The following USP8 variants were observed in gnomAD, a reference collection of about 807,000 sequenced individuals.
The protein encoded by USP8 is ubiquitin carboxyl-terminal hydrolase 8.
In USP8, 27 loss-of-function variants were observed where a neutral mutation model predicts 130.0. The ratio of observed to expected loss-of-function variants is 0.21; its 90% CI spans 0.15 to 0.29. The LOEUF (loss-of-function observed/expected upper bound fraction) is 0.29, where lower values mean the gene tolerates loss of function less well. USP8 is among the 10% of genes least tolerant of loss of function. The probability of loss-of-function intolerance (pLI) is 1.00; values close to 1 mark genes in which losing one functional copy is unlikely to be tolerated. For missense variants in USP8, 1,029 were observed against 1,312.2 expected (o/e 0.78, Z 3.33); for synonymous variants, 392 against 444.1 (o/e 0.88, Z 1.48).
intron 5 of USP8, among the ~76,000 whole-genome samples, chr15:50,460,267 G>A (rs2050944286): frequency 6.7e-6 from 1 of 149,368 alleles, no homozygotes; most frequent in Admixed American, 6.7e-5. Flanking sequence ...CAAAGTGCTG[G>A]GATTACAGGC....
At chr15:50,433,893 C>G (rs2050011661) in intron 1 of USP8, among the ~76,000 whole-genome samples, 1 of 152,246 alleles carries the variant, frequency 6.6e-6, no homozygotes, top group Non-Finnish European at 1.5e-5. Flanking sequence ...GCGTGAGCCA[C>G]TGTGCACGGC....
At chr15:50,440,481 T>C (rs1388378767) in intron 2 of USP8, among the ~76,000 whole-genome samples, 2 of 152,230 alleles carry the variant, frequency 1.3e-5, no homozygotes, top group African/African-American at 2.4e-5. Context: ...AGTTTTTCAA[T>C]GGACCAGGGT....
chr15:50,433,519 T>C (rs2049993327), intron 1 of USP8, among the ~76,000 whole-genome samples: 1 of 152,210 alleles, frequency 6.6e-6, no homozygotes, highest in Non-Finnish European at 1.5e-5. Flanking sequence ...TTTTACCTTT[T>C]AGTCTTCACT....
At chr15:50,434,104 TTTTTGTTTTGTTTTG>T (rs139482198) in intron 1 of USP8, among the ~76,000 whole-genome samples, 5 of 148,830 alleles carry the variant, frequency 3.4e-5, no homozygotes, top group African/African-American at 7.5e-5. Context: ...AGCATAAGGT[TTTTTGTTTTGTTTTG>T]TTTTGTTTTG....
intron 3 of USP8, among the ~76,000 whole-genome samples, chr15:50,444,090 G>A (rs1595910825): frequency 6.9e-6 from 1 of 144,298 alleles, no homozygotes; most frequent in Non-Finnish European, 1.5e-5. Flanking sequence ...TTTTGTTTGT[G>A]TGGTAGGTTT....
intron 7 of USP8, among the ~76,000 whole-genome samples, chr15:50,466,449 G>A (rs1595943753): frequency 1.3e-5 from 2 of 152,134 alleles, no homozygotes; most frequent in South Asian, 2.1e-4. Context: ...AAATACTTCA[G>A]CCAGGTGAGG....
rs79351476 is a variant in USP8 at position 50,447,180 on chromosome 15, A to G, written c.250-2220A>G. 2.5e-3 allele frequency among the ~76,000 whole-genome samples: 380 copies of G among 152,318 alleles called. 11 individuals are homozygous for G. The East Asian group carries it at 0.064, about 26-fold the overall frequency. ...TCTTTAGAAAAATTTAATTCTTCATATGCTCCAGGTTGTATTGTGCTACTG... is the reference window on the plus strand; with the variant it reads ...TCTTTAGAAAAATTTAATTCTTCATGTGCTCCAGGTTGTATTGTGCTACTG... On this transcript the variant is annotated intron_variant, in intron 3 of 19. Coordinates refer to ENST00000307179, the MANE Select transcript of USP8 (RefSeq NM_005154.5).
intron 5 of USP8, among the ~76,000 whole-genome samples, chr15:50,461,271 C>T (rs1031989048): frequency 1.6e-4 from 25 of 151,922 alleles, no homozygotes; most frequent in African/African-American, 4.8e-4. Flanking sequence ...GGATTACAGG[C>T]GTCAGCCACC....
At position 50,441,330 on chromosome 15, in the gene USP8, T is replaced by C; in HGVS notation, c.105-19T>C. 1 of 1,569,264 alleles carries C rather than the reference T, an allele frequency of 6.4e-7. No individual in the cohort carries two copies. The highest frequency in any genetic ancestry group is 8.6e-7 in the Non-Finnish European group (1 of 1,167,802). ...CAGATGTCAATTGCTTTAATTATTA[T>C]TTTTTCTCTAATTTTAAGTTATGTG... On this transcript the variant is annotated intron_variant, in intron 2 of 19. Coordinates refer to ENST00000307179, the MANE Select transcript of USP8 (RefSeq NM_005154.5).
intron 3 of USP8, among the ~76,000 whole-genome samples, chr15:50,442,571 C>T (rs1239842146): frequency 6.6e-6 from 1 of 150,530 alleles, no homozygotes; most frequent in African/African-American, 2.4e-5. Flanking sequence ...TGGTGAAACC[C>T]CATCTGTACT....
chr15:50,495,167 C>T, intron 16 of USP8, among the ~76,000 whole-genome samples: 1 of 151,694 alleles, frequency 6.6e-6, no homozygotes, highest in Non-Finnish European at 1.5e-5. Context: ...ATTTTGGGGT[C>T]ACCATTCTTA....
chr15:50,496,170 C>A, intron 17 of USP8, 86 bp downstream of exon 17: 1 of 1,124,626 alleles, frequency 8.9e-7, no homozygotes, highest in Non-Finnish European at 1.3e-6. Context: ...CTGGTCTTTA[C>A]CCTTACAAAC....
In USP8 at chr15:50,494,298, TC is replaced by T. The variant is rs2052288991; in HGVS notation, c.2658+19del. ...TAAATAAAGTAAGAAATTTGATTTTTCTAAGTTGCAGAGACTCTTTAGGGTT... is the reference window on the plus strand; with the variant it reads ...TAAATAAAGTAAGAAATTTGATTTTTTAAGTTGCAGAGACTCTTTAGGGTT... On this transcript the variant is annotated intron_variant, in intron 16 of 19. Transcript: ENST00000307179. The T allele has an allele frequency of 1.3e-6, 2 of 1,584,246 alleles. No individual in the cohort carries two copies. Among genetic ancestry groups the T allele is most frequent in the Non-Finnish European group, 1.7e-6 (2 of 1,169,724 alleles).
chr15:50,463,600 A>T (rs1254105798), intron 6 of USP8: 1 of 152,194 alleles, frequency 6.6e-6, no homozygotes, highest in Non-Finnish European at 1.5e-5. Flanking sequence ...TTCCAAGATT[A>T]GTTTTTATGC....
chr15:50,447,763 C>CT (rs1595916574), intron 3 of USP8, among the ~76,000 whole-genome samples: 76 of 144,506 alleles, frequency 5.3e-4, no homozygotes, highest in Middle Eastern at 7.3e-3. Context: ...TTTTTTTTGT[C>CT]TTTTTTTTTT....
At chr15:50,455,567 A>G (rs894170015) in intron 4 of USP8, among the ~76,000 whole-genome samples, 1 of 152,034 alleles carries the variant, frequency 6.6e-6, no homozygotes, top group African/African-American at 2.4e-5. Flanking sequence ...TTTCTCTTTT[A>G]TTGTTGTCCT....
rs1343518027 is a variant in USP8 at position 50,510,069 on chromosome 15, A to G, written c.*10981A>G. ...ATTAATTTAATAAATTTAATATTTT[A>G]TAGCTATAATTAATACAGTACGGAA... On this transcript the variant is annotated 3_prime_UTR_variant, in exon 20 of 20. Transcript: ENST00000307179. 6.6e-6 allele frequency: 1 copy of G among 152,118 alleles called. No homozygotes were observed. Among genetic ancestry groups the G allele is most frequent in the Non-Finnish European group, 1.5e-5 (1 of 68,002 alleles). 9.4% of individuals were successfully genotyped at this position (152,118 alleles called of 1,614,324 possible). A position where few individuals can be genotyped will look rare whatever the true frequency, so the allele number is the denominator to read the frequency against.
intron 10 of USP8, among the ~76,000 whole-genome samples, chr15:50,480,648 C>T (rs1405395353): frequency 6.6e-6 from 1 of 151,720 alleles, no homozygotes; most frequent in Non-Finnish European, 1.5e-5. Context: ...TTTTTTAAGG[C>T]AAGTATAGCT....
chr15:50,433,174 C>T (rs563277061), intron 1 of USP8, among the ~76,000 whole-genome samples: 1 of 151,626 alleles, frequency 6.6e-6, no homozygotes, highest in South Asian at 2.1e-4. Context: ...GTGGAGGTTG[C>T]AGTGAGCCAA....
Sources: gnomAD v4.1 joint callset for allele counts (sites outside exome capture counted in the v4.1 genomes callset) on GRCh38, gnomAD v4.1.1 for gene constraint, MANE v1.5 for transcripts, NCBI Gene and HGNC (gene_info 2026-07-23, HGNC 2026-07-21) for gene names.